Variants in CSTA observed in about 807,000 individuals in gnomAD.
CSTA encodes cystatin A.
In CSTA, 9 loss-of-function variants were observed where a neutral mutation model predicts 9.2. The observed-to-expected ratio is 0.97, with a 90% CI of 0.59 to 1.70. The LOEUF (loss-of-function observed/expected upper bound fraction) is 1.70. Ranked by LOEUF, CSTA falls within the 40% of genes most tolerant of loss-of-function variation. The pLI, the probability that CSTA is intolerant of heterozygous loss-of-function variation, is 0.00. For synonymous variants in CSTA, 36 were observed against 40.6 expected, an observed-to-expected ratio of 0.89 and a Z score of 0.43; for missense variants, 118 against 113.1, an observed-to-expected ratio of 1.04 and a Z score of -0.20.
intron 2 of CSTA, 23 bp from the exon 3 acceptor site, chr3:122,341,412 GCTTT>G (rs751959904): frequency 1.2e-6 from 2 of 1,612,646 alleles, no homozygotes; most frequent in South Asian, 2.2e-5. Context: ...ATCTCCTTTT[GCTTT>G]CTCTTTCTTT....
intron 1 of CSTA, 48 bp from the exon 2 acceptor site, chr3:122,337,499 G>T: frequency 7.9e-7 from 1 of 1,273,092 alleles, no homozygotes; most frequent in South Asian, 1.2e-5. Context: ...TGCATACATG[G>T]AGTCTAATAT....
rs576059974 is a variant in CSTA, at chr3:122,327,099, A to G, written c.66+1741A>G. Among the ~76,000 whole-genome samples, 11 of 151,998 alleles carry G rather than the reference A, an allele frequency of 7.2e-5. No individual in the cohort carries two copies. The East Asian group carries it at 2.1e-3, about 29-fold the overall frequency. On this transcript the variant is annotated intron_variant, in intron 1 of 2. Transcript: ENST00000264474. ...CTAAAAATACAAAAATTAGCCGAGCATGGTGGTGGGTGCCTGTAATCCCAA... is the reference window on the plus strand; with the variant it reads ...CTAAAAATACAAAAATTAGCCGAGCGTGGTGGTGGGTGCCTGTAATCCCAA...
chr3:122,327,528 C>CAAAAAA (rs59568582), intron 1 of CSTA, among the ~76,000 whole-genome samples: 4 of 44,074 alleles, frequency 9.1e-5, no homozygotes, highest in African/African-American at 2.9e-4. Context: ...GACTCCGTCT[C>CAAAAAA]AAAAAAAAAA....
chr3:122,337,881 TATA>T (rs1038389502), intron 2 of CSTA: 16 of 513,412 alleles, frequency 3.1e-5, no homozygotes, highest in African/African-American at 2.9e-4. Flanking sequence ...CTGGAAATTG[TATA>T]GAAAAAGATT....
chr3:122,327,868 T>C (rs1208133367), intron 1 of CSTA, among the ~76,000 whole-genome samples: 2 of 152,116 alleles, frequency 1.3e-5, no homozygotes, highest in Non-Finnish European at 2.9e-5. Flanking sequence ...TATCACTCGA[T>C]TAGCAAGAAT....
Position 122,333,397 on chromosome 3 carries a change from G to A in CSTA, c.67-4150G>A, listed in dbSNP as rs191381325. On this transcript the variant is annotated intron_variant, in intron 1 of 2. Coordinates refer to ENST00000264474, the MANE Select transcript of CSTA (RefSeq NM_005213.4). Reference sequence around the variant, plus strand: ...GTGGTGGCAGATGCCTGTAGTCCCAGCTACTCATGAGGCTGAGGCAGGAGA... The same window carrying A: ...GTGGTGGCAGATGCCTGTAGTCCCAACTACTCATGAGGCTGAGGCAGGAGA... Among the ~76,000 whole-genome samples the A allele has an allele frequency of 3.3e-5, 5 of 152,186 alleles. No homozygotes were observed. In the East Asian group the frequency reaches 7.7e-4, roughly 23 times the overall value.
intron 1 of CSTA, among the ~76,000 whole-genome samples, chr3:122,336,086 G>T (rs1427232338): frequency 6.6e-6 from 1 of 152,102 alleles, no homozygotes; most frequent in African/African-American, 2.4e-5. Flanking sequence ...GTAAAGATGT[G>T]TGCATGTGTG....
At chr3:122,325,882 G>A (rs532078954) in intron 1 of CSTA, among the ~76,000 whole-genome samples, 1 of 152,100 alleles carries the variant, frequency 6.6e-6, no homozygotes, top group Non-Finnish European at 1.5e-5. Flanking sequence ...ATAGTTAAAA[G>A]GTAATTCAAC....
At chr3:122,332,469 C>T (rs967999822) in intron 1 of CSTA, among the ~76,000 whole-genome samples, 1 of 152,196 alleles carries the variant, frequency 6.6e-6, no homozygotes, top group East Asian at 1.9e-4. Flanking sequence ...ACTTTGCCAT[C>T]AATATCTTTC....
intron 2 of CSTA, among the ~76,000 whole-genome samples, 159 bp from the exon 3 acceptor site, chr3:122,341,280 A>T (rs983753147): frequency 1.3e-5 from 2 of 152,136 alleles, no homozygotes; most frequent in Non-Finnish European, 2.9e-5. Flanking sequence ...TGGTGGATTT[A>T]TGAATACAAA....
At chr3:122,330,631 A>T (rs2075198900) in intron 1 of CSTA, among the ~76,000 whole-genome samples, 1 of 152,206 alleles carries the variant, frequency 6.6e-6, no homozygotes. Flanking sequence ...CTTGGAAGAA[A>T]ACCCTCTTCC....
intron 1 of CSTA, among the ~76,000 whole-genome samples, chr3:122,327,853 A>G (rs1235888017): frequency 6.6e-6 from 1 of 152,208 alleles, no homozygotes; most frequent in East Asian, 1.9e-4. Flanking sequence ...ATTTTTAAAA[A>G]AATCTATCAC....
chr3:122,329,028 C>T (rs188397531), intron 1 of CSTA, among the ~76,000 whole-genome samples: 10 of 150,298 alleles, frequency 6.7e-5, no homozygotes, highest in South Asian at 4.3e-4. Flanking sequence ...TGCGGTGGCA[C>T]GGTCTCGGCT....
chr3:122,326,176 G>A (rs930502763), intron 1 of CSTA, among the ~76,000 whole-genome samples: 15 of 152,046 alleles, frequency 9.9e-5, no homozygotes, highest in African/African-American at 3.1e-4. Context: ...ATGCCACCAC[G>A]CCTGGCTGAT....
chr3:122,340,505 T>C (rs1433486736), intron 2 of CSTA, among the ~76,000 whole-genome samples: 3 of 152,184 alleles, frequency 2.0e-5, no homozygotes, highest in African/African-American at 7.2e-5. Flanking sequence ...GATTTCACCA[T>C]GTTGGCCAGG....
rs748297643 is a variant in CSTA, at chr3:122,337,649, G to C, written c.168+1G>C. 2 of 1,584,918 alleles carry C rather than the reference G, an allele frequency of 1.3e-6. No homozygotes were observed. The highest frequency in any genetic ancestry group is 1.7e-6 in the Non-Finnish European group (2 of 1,153,308). Reference sequence around the variant, plus strand: ...TGCTGGAACAAATTACTACATTAAGGTTAGAGTTCAGCACCTACTTTAGCG... The same window carrying C: ...TGCTGGAACAAATTACTACATTAAGCTTAGAGTTCAGCACCTACTTTAGCG... On this transcript the variant is annotated splice_donor_variant, in intron 2 of 2. Coordinates refer to ENST00000264474, the MANE Select transcript of CSTA (RefSeq NM_005213.4). LOFTEE classifies it high-confidence loss of function.
At chr3:122,333,247 AC>A (rs2075214268) in intron 1 of CSTA, among the ~76,000 whole-genome samples, 1 of 152,184 alleles carries the variant, frequency 6.6e-6, no homozygotes, top group Non-Finnish European at 1.5e-5. Flanking sequence ...ATGGGGGCTC[AC>A]CCCTGTAATC....
intron 1 of CSTA, among the ~76,000 whole-genome samples, chr3:122,327,348 T>C (rs1475625620): frequency 6.6e-6 from 1 of 150,964 alleles, no homozygotes; most frequent in Non-Finnish European, 1.5e-5. Flanking sequence ...GCTAACACAG[T>C]GAAACCCCGT....
chr3:122,328,975 A>AT (rs200855788), intron 1 of CSTA, among the ~76,000 whole-genome samples: 13,442 of 146,188 alleles, frequency 0.092, 1,222 homozygotes, highest in East Asian at 0.44. Context: ...TTAAAATTTA[A>AT]TTTTTTTTTT....
Sources: gnomAD v4.1 joint callset for allele counts (sites outside exome capture counted in the v4.1 genomes callset) on GRCh38, gnomAD v4.1.1 for gene constraint, MANE v1.5 for transcripts, NCBI Gene and HGNC (gene_info 2026-07-23, HGNC 2026-07-21) for gene names.